The following CMYA5 variants were observed in gnomAD, a reference collection of about 807,000 sequenced individuals.
CMYA5 encodes cardiomyopathy-associated protein 5.
In CMYA5, 246 loss-of-function variants were observed where a neutral mutation model predicts 318.9. The observed-to-expected ratio is 0.77, with a 90% CI of 0.70 to 0.86. CMYA5 has a LOEUF of 0.86. Ranked by LOEUF, CMYA5 falls within the 40% of genes least tolerant of loss-of-function variation. The probability of loss-of-function intolerance (pLI) is 0.00; values close to 1 mark genes in which losing one functional copy is unlikely to be tolerated. For synonymous variants in CMYA5, 1,641 were observed against 1,729.5 expected (o/e 0.95, Z 1.27); for missense variants, 4,589 against 4,678.2 (o/e 0.98, Z 0.56).
intron 9 of CMYA5, among the ~76,000 whole-genome samples, chr5:79,777,445 C>T (rs1828958127): frequency 6.6e-6 from 1 of 152,030 alleles, no homozygotes; most frequent in South Asian, 2.1e-4. Context: ...GTGAGCATCC[C>T]ATATCAATAC....
rs1828027618 is a variant in CMYA5 at position 79,735,208 on chromosome 5, C to T, written c.6443C>T (p.Ser2148Leu). 6.2e-7 allele frequency: 1 copy of T among 1,613,820 alleles called. No homozygotes were observed. Among genetic ancestry groups the T allele is most frequent in the East Asian group, 2.2e-5 (1 of 44,878 alleles). ...IHAREPQSPE[S>L]PEVTQNPPTQ... ...GCAAGAGAGCCTCAATCCCCAGAGT[C>T]ACCTGAGGTGACACAAAATCCACCT... The change falls in exon 2 of 13, where the codon TCA (serine) becomes TTA (leucine). Residue 2148 changes from serine to leucine, a missense_variant. Ser to Leu is a moderately radical substitution (Grantham distance 145). Coordinates refer to ENST00000446378, the MANE Select transcript of CMYA5 (RefSeq NM_153610.5).
Position 79,795,025 on chromosome 5 carries a change from A to G in CMYA5, c.11963+1415A>G, listed in dbSNP as rs144907882. 8.2e-3 allele frequency among the ~76,000 whole-genome samples: 1,249 copies of G among 152,298 alleles called. 16 individuals carry two copies. The highest frequency in any genetic ancestry group is 0.029 in the African/African-American group (1,195 of 41,554). ...ATATTAATTTCATGAAAATGTCTGT[A>G]CACCCTCAAATCTTTAAAAAGCCCA... On this transcript the variant is annotated intron_variant, in intron 12 of 12. Transcript: ENST00000446378.
rs1002257659 is a variant in CMYA5, at chr5:79,791,726, A to C, written c.11789+657A>C. On this transcript the variant is annotated intron_variant, in intron 11 of 12. Coordinates refer to ENST00000446378, the MANE Select transcript of CMYA5 (RefSeq NM_153610.5). ...GAGACTCTGTCTCAAAAAAAAAAAA[A>C]AAAAAAAGGCATAGAAGAGAAGGAC... Among the ~76,000 whole-genome samples the C allele has an allele frequency of 2.0e-5, 3 of 151,962 alleles. No individual in the cohort carries two copies. The East Asian group carries it at 5.8e-4, about 29-fold the overall frequency.
chr5:79,790,664 T>G (rs1396259074), intron 10 of CMYA5, among the ~76,000 whole-genome samples: 2 of 152,222 alleles, frequency 1.3e-5, no homozygotes, highest in Non-Finnish European at 2.9e-5. Flanking sequence ...TCCGAGAGTC[T>G]GAATTTGTAA....
At chr5:79,787,962 G>T (rs568499704) in intron 9 of CMYA5, among the ~76,000 whole-genome samples, 1 of 152,060 alleles carries the variant, frequency 6.6e-6, no homozygotes, top group South Asian at 2.1e-4. Flanking sequence ...GATGAACAGT[G>T]ACCACTCTTG....
At chr5:79,750,308 G>T (rs1828406220) in intron 5 of CMYA5, among the ~76,000 whole-genome samples, 1 of 145,606 alleles carries the variant, frequency 6.9e-6, no homozygotes, top group Non-Finnish European at 1.5e-5. Context: ...ATGGTTTTCT[G>T]AGGAATTTCT....
Position 79,717,884 on chromosome 5 carries a change from A to ATTTTTTT in CMYA5, c.150-11015_150-11009dup, listed in dbSNP as rs1282948127. Among the ~76,000 whole-genome samples, 26 of 91,756 alleles carry ATTTTTTT rather than the reference A, an allele frequency of 2.8e-4. 2 individuals are homozygous for ATTTTTTT. The highest frequency in any genetic ancestry group is 1.4e-3 in the African/African-American group (22 of 15,734). The allele number at this position is 91,756 out of a possible 152,430, so 60.2% of individuals were successfully genotyped here. A position where few individuals can be genotyped will look rare whatever the true frequency, so the allele number is the denominator to read the frequency against. ...ATAAAAGTTCCTTTTAACCTAAGCTATTTTTTTTTTTTTTTTTTTTTTGAG... is the reference window on the plus strand; with the variant it reads ...ATAAAAGTTCCTTTTAACCTAAGCTATTTTTTTTTTTTTTTTTTTTTTTTTTTTTGAG... On this transcript the variant is annotated intron_variant, in intron 1 of 12. Coordinates refer to ENST00000446378, the MANE Select transcript of CMYA5 (RefSeq NM_153610.5).
intron 5 of CMYA5, among the ~76,000 whole-genome samples, chr5:79,749,555 C>A (rs1370775527): frequency 6.6e-6 from 1 of 151,524 alleles, no homozygotes; most frequent in African/African-American, 2.4e-5. Context: ...AACTGCATAG[C>A]CCAGAAATGT....
chr5:79,700,031 T>C (rs1384008214), intron 1 of CMYA5, among the ~76,000 whole-genome samples: 2 of 152,196 alleles, frequency 1.3e-5, no homozygotes, highest in African/African-American at 4.8e-5. Flanking sequence ...AGGCCTTATT[T>C]ATCTGAATAA....
Position 79,694,398 on chromosome 5 carries a change from CT to C in CMYA5, c.149+4346del, listed in dbSNP as rs1337352246. On this transcript the variant is annotated intron_variant, in intron 1 of 12. Transcript: ENST00000446378. ...GAGACAGAAGTAAATAGGACTGTTA[CT>C]TTTGTATTTCTCTTGCTGTAGACCA... Among the ~76,000 whole-genome samples, 16 of 152,300 alleles carry C rather than the reference CT, an allele frequency of 1.1e-4. No individual in the cohort carries two copies. In the East Asian group the frequency reaches 2.5e-3, roughly 24 times the overall value.
intron 9 of CMYA5, among the ~76,000 whole-genome samples, chr5:79,775,528 C>G (rs527345528): frequency 1.4e-4 from 22 of 152,068 alleles, no homozygotes; most frequent in South Asian, 6.2e-4. Flanking sequence ...AAAGAGAAAA[C>G]AGGAGAGAGG....
intron 1 of CMYA5, among the ~76,000 whole-genome samples, chr5:79,716,897 A>G (rs1000513855): frequency 1.3e-5 from 2 of 152,216 alleles, no homozygotes; most frequent in African/African-American, 4.8e-5. Flanking sequence ...GTGCAGACCA[A>G]ATTGATTAAT....
intron 6 of CMYA5, among the ~76,000 whole-genome samples, chr5:79,758,252 G>A (rs1238905653): frequency 6.7e-6 from 1 of 148,930 alleles, no homozygotes; most frequent in Non-Finnish European, 1.5e-5. Flanking sequence ...AAAAAAATTG[G>A]CCGGTGTGGT....
chr5:79,696,375 T>A (rs1827065698), intron 1 of CMYA5, among the ~76,000 whole-genome samples: 1 of 152,200 alleles, frequency 6.6e-6, no homozygotes, highest in Non-Finnish European at 1.5e-5. Context: ...CCAAAGTGGA[T>A]TCAGTTCCAA....
Position 79,733,903 on chromosome 5 carries a change from T to A in CMYA5, c.5138T>A (p.Ile1713Asn), listed in dbSNP as rs16877141. ...LLREESQNEE[I>N]KPFSPKIISL... ...AGGGAGGAATCTCAGAATGAAGAAATTAAACCTTTCTCTCCCAAGATCATC... is the reference window on the plus strand; with the variant it reads ...AGGGAGGAATCTCAGAATGAAGAAAATAAACCTTTCTCTCCCAAGATCATC... Residue 1713 changes from isoleucine to asparagine, a missense_variant, in exon 2 of 13, where the codon ATT (isoleucine) becomes AAT (asparagine). Ile to Asn is a moderately radical substitution (Grantham distance 149, BLOSUM62 -3). Around this residue, in one of 3 missense-constraint regions of CMYA5, gnomAD observed 2,132 missense variants for 2,131.3 expected, o/e 1.00. Coordinates refer to ENST00000446378, the MANE Select transcript of CMYA5 (RefSeq NM_153610.5). 141,172 of 1,612,970 alleles carry A rather than the reference T, an allele frequency of 0.088. 10,928 individuals carry two copies. The highest frequency in any genetic ancestry group is 0.46 in the East Asian group (20,537 of 44,850).
Position 79,734,459 on chromosome 5 carries a change from G to A in CMYA5, c.5694G>A (p.Lys1898=). The change falls in exon 2 of 13, where the codon AAG becomes AAA. Residue 1898 remains lysine (K), a synonymous_variant. Coordinates refer to ENST00000446378, the MANE Select transcript of CMYA5 (RefSeq NM_153610.5). ...AGGATGAAAACTGGATGTTGGGAAA[G>A]CCAGAAAATGTGGCTAGTCAACACG... ...SPKDENWMLG[K]PENVASQHEQ... 3 of 1,613,682 alleles carry A rather than the reference G, an allele frequency of 1.9e-6. No individual in the cohort carries two copies. Among genetic ancestry groups the A allele is most frequent in the Non-Finnish European group, 2.5e-6 (3 of 1,179,782 alleles).
intron 11 of CMYA5, among the ~76,000 whole-genome samples, chr5:79,792,315 G>A (rs1829194778): frequency 6.6e-6 from 1 of 151,582 alleles, no homozygotes; most frequent in African/African-American, 2.4e-5. Flanking sequence ...ATATACAAAT[G>A]AGTGAATTCA....
chr5:79,765,427 C>T (rs1828731191), intron 9 of CMYA5, among the ~76,000 whole-genome samples: 1 of 152,184 alleles, frequency 6.6e-6, no homozygotes, highest in African/African-American at 2.4e-5. Context: ...TAGCATGATG[C>T]CTCCAGCTTT....
chr5:79,732,054 C>T lies in CMYA5; in HGVS notation c.3289C>T (p.Pro1097Ser). 1.9e-6 allele frequency: 3 copies of T among 1,613,950 alleles called. No individual in the cohort carries two copies. Among genetic ancestry groups the T allele is most frequent in the Non-Finnish European group, 2.5e-6 (3 of 1,179,876 alleles). The change falls in exon 2 of 13, where the codon CCA (proline) becomes TCA (serine). Residue 1097 changes from proline (P) to serine (S), a missense_variant. By Grantham distance (74) the Pro-to-Ser change is moderately conservative. Around this residue, in one of 3 missense-constraint regions of CMYA5, gnomAD observed 2,132 missense variants for 2,131.3 expected, o/e 1.00. Transcript: ENST00000446378. ...SEKAEIKPEI[P>S]TTSTSVSEYL... is the part of the protein sequence containing the mutation. Reference sequence around the variant, plus strand: ...GAAAGCAGAAATTAAGCCAGAGATTCCAACAACCTCAACATCTGTATCTGA... The same window carrying T: ...GAAAGCAGAAATTAAGCCAGAGATTTCAACAACCTCAACATCTGTATCTGA...
Sources: gnomAD v4.1 joint callset for allele counts (sites outside exome capture counted in the v4.1 genomes callset) on GRCh38, gnomAD v4.1.1 for gene constraint, gnomAD v4.1.1 regional missense constraint, MANE v1.5 for transcripts, NCBI Gene and HGNC (gene_info 2026-07-23, HGNC 2026-07-21) for gene names.